The following ARMH3 variants were observed in gnomAD, a reference collection of about 807,000 sequenced individuals.
ARMH3 encodes armadillo like helical domain containing 3, also known as armadillo-like helical domain-containing protein 3.
Under a neutral mutation model 99.1 loss-of-function variants are expected in ARMH3, and 60 were observed. The ratio of observed to expected loss-of-function variants is 0.61; its 90% confidence interval spans 0.49 to 0.75. The LOEUF is 0.75. Ranked by LOEUF, ARMH3 falls within the 30% of genes least tolerant of loss-of-function variation. The pLI, the probability that ARMH3 is intolerant of heterozygous loss-of-function variation, is 0.00. For synonymous variants in ARMH3, 285 were observed against 292.8 expected, an observed-to-expected ratio of 0.97 and a Z score of 0.27; for missense variants, 679 against 843.1, an observed-to-expected ratio of 0.81 and a Z score of 2.41.
intron 22 of ARMH3, among the ~76,000 whole-genome samples, chr10:101,946,470 C>T (rs1844538259): frequency 6.6e-6 from 1 of 152,114 alleles, no homozygotes. Context: ...CAAGAGTGCA[C>T]CACTGCACTC....
intron 24 of ARMH3, among the ~76,000 whole-genome samples, chr10:101,864,185 A>G (rs907503648): frequency 2.6e-5 from 4 of 152,068 alleles, no homozygotes; most frequent in Non-Finnish European, 4.4e-5. Flanking sequence ...GCAAATCAAA[A>G]CCACAATGAG....
intron 18 of ARMH3, among the ~76,000 whole-genome samples, chr10:101,991,661 G>A (rs558549364): frequency 1.3e-5 from 2 of 152,318 alleles, no homozygotes; most frequent in East Asian, 3.9e-4. Flanking sequence ...GATTACAGGT[G>A]TGAGCCACTG....
At chr10:101,995,092 T>C (rs1205984766) in intron 16 of ARMH3, among the ~76,000 whole-genome samples, 1 of 152,184 alleles carries the variant, frequency 6.6e-6, no homozygotes, top group Non-Finnish European at 1.5e-5. Context: ...CTAAACAGCG[T>C]GGAAGCAGAC....
chr10:101,865,185 C>T (rs997399187), intron 24 of ARMH3, among the ~76,000 whole-genome samples: 3 of 148,356 alleles, frequency 2.0e-5, no homozygotes, highest in African/African-American at 7.5e-5. Context: ...CACTGCACTC[C>T]AGCCTGGGCG....
In ARMH3 at chr10:102,006,732, A is replaced by C. The variant is rs968860678; in HGVS notation, c.955-99T>G. ...TAAGGACTGGTATTCTGGACCTTATAATTTTTTTTTTTTGAGACAGCATCT... is the reference window on the plus strand; with the variant it reads ...TAAGGACTGGTATTCTGGACCTTATCATTTTTTTTTTTTGAGACAGCATCT... On this transcript the variant is annotated intron_variant, in intron 13 of 25. Transcript: ENST00000370033. 2.5e-6 allele frequency: 3 copies of C among 1,176,898 alleles called. No individual in the cohort carries two copies. The African/African-American group carries it at 4.7e-5, about 18-fold the overall frequency. The allele number at this position is 1,176,898 out of a possible 1,614,324, so 72.9% of individuals were successfully genotyped here. A position where few individuals can be genotyped will look rare whatever the true frequency, so the allele number is the denominator to read the frequency against.
chr10:101,861,266 T>A (rs143989333), intron 24 of ARMH3, among the ~76,000 whole-genome samples: 27 of 152,204 alleles, frequency 1.8e-4, no homozygotes, highest in Admixed American at 9.2e-4. Context: ...CCAGAAAATA[T>A]GTAAGCCAGA....
chr10:101,869,359 G>A (rs1366484935), intron 24 of ARMH3, among the ~76,000 whole-genome samples: 1 of 152,100 alleles, frequency 6.6e-6, no homozygotes, highest in African/African-American at 2.4e-5. Context: ...ACTGTACAAT[G>A]GACCATAAAG....
At chr10:101,916,780 A>G (rs1843104441) in intron 23 of ARMH3, among the ~76,000 whole-genome samples, 1 of 152,214 alleles carries the variant, frequency 6.6e-6, no homozygotes, top group South Asian at 2.1e-4. Flanking sequence ...ATAAGCAGCC[A>G]TCATCTAGTC....
intron 2 of ARMH3, 52 bp downstream of exon 2, chr10:102,039,961 G>A (rs2067370119): frequency 1.3e-6 from 2 of 1,497,278 alleles, no homozygotes; most frequent in Admixed American, 3.4e-5. Flanking sequence ...TTCTCATCTT[G>A]GACTAAGAAA....
At chr10:102,029,995 A>G (rs1382885244) in intron 4 of ARMH3, among the ~76,000 whole-genome samples, 19 of 151,418 alleles carry the variant, frequency 1.3e-4, no homozygotes, top group Non-Finnish European at 2.9e-5. Context: ...ATCACAGCTC[A>G]CTACAGCCTT....
chr10:101,997,727 C>A (rs1847126681), intron 15 of ARMH3, among the ~76,000 whole-genome samples: 1 of 151,924 alleles, frequency 6.6e-6, no homozygotes, highest in South Asian at 2.1e-4. Context: ...TATTATTATA[C>A]TTTATAAGTT....
chr10:101,940,310 T>A (rs948190039), intron 22 of ARMH3, among the ~76,000 whole-genome samples: 1 of 152,256 alleles, frequency 6.6e-6, no homozygotes. Flanking sequence ...TCCCTAATGG[T>A]GGGGGCTGAT....
At chr10:102,040,538 T>G (rs540390304) in intron 1 of ARMH3, among the ~76,000 whole-genome samples, 13 of 152,328 alleles carry the variant, frequency 8.5e-5, no homozygotes, top group South Asian at 4.1e-4. Flanking sequence ...GAAGAAGAAC[T>G]GATAAACAAC....
rs972543555 is a variant in ARMH3, at chr10:102,033,187, A to G, written c.160-15T>C. On this transcript the variant is annotated splice_polypyrimidine_tract_variant and intron_variant, in intron 3 of 25. Coordinates refer to ENST00000370033, the MANE Select transcript of ARMH3 (RefSeq NM_024541.3). Reference sequence around the variant, plus strand: ...TCTAAATTCACCTGCCAAGGAAACAAATAAGGGGCAGAGTGCATTTTTAGC... The same window carrying G: ...TCTAAATTCACCTGCCAAGGAAACAGATAAGGGGCAGAGTGCATTTTTAGC... 1.9e-6 allele frequency: 3 copies of G among 1,613,992 alleles called. No homozygotes were observed. The African/African-American group carries it at 4.0e-5, about 22-fold the overall frequency.
chr10:102,051,454 C>A (rs1590244281), intron 1 of ARMH3, among the ~76,000 whole-genome samples: 1 of 145,508 alleles, frequency 6.9e-6, no homozygotes. Flanking sequence ...GCCTGGGCAA[C>A]AGAGGGAGAC....
chr10:101,954,228 A>G (rs1564789454), intron 22 of ARMH3, among the ~76,000 whole-genome samples: 1 of 152,240 alleles, frequency 6.6e-6, no homozygotes. Context: ...CTTGTATTCA[A>G]TAAGGTACAA....
intron 15 of ARMH3, among the ~76,000 whole-genome samples, chr10:101,997,650 C>A (rs1377872575): frequency 6.6e-6 from 1 of 151,686 alleles, no homozygotes; most frequent in East Asian, 1.9e-4. Context: ...GAGGGACACA[C>A]AGGTAGCTTC....
intron 23 of ARMH3, among the ~76,000 whole-genome samples, chr10:101,934,612 G>A (rs1590046308): frequency 6.6e-6 from 1 of 152,134 alleles, no homozygotes; most frequent in Non-Finnish European, 1.5e-5. Flanking sequence ...CCTACTTGCA[G>A]TGTGATTCAG....
At chr10:102,044,828 G>A (rs1453909710) in intron 1 of ARMH3, among the ~76,000 whole-genome samples, 1 of 152,056 alleles carries the variant, frequency 6.6e-6, no homozygotes, top group Non-Finnish European at 1.5e-5. Flanking sequence ...GGGGAAAGAA[G>A]GAAAATGAAT....
Sources: gnomAD v4.1 joint callset for allele counts (sites outside exome capture counted in the v4.1 genomes callset) on GRCh38, gnomAD v4.1.1 for gene constraint, MANE v1.5 for transcripts, NCBI Gene and HGNC (gene_info 2026-07-23, HGNC 2026-07-21) for gene names.